The following SGMS1 variants were observed in gnomAD, a reference collection of about 807,000 sequenced individuals.
SGMS1 encodes the protein sphingomyelin synthase 1.
A neutral mutation model predicts 46.2 loss-of-function variants in SGMS1; 13 were observed. The ratio of observed to expected loss-of-function variants is 0.28; its 90% confidence interval spans 0.18 to 0.45. SGMS1 has a LOEUF of 0.45. Among genes scored for constraint, SGMS1 ranks in the 20% least tolerant of loss-of-function variants. The pLI, the probability that SGMS1 is intolerant of heterozygous loss-of-function variation, is 1.00. For missense variants in SGMS1, 324 were observed against 519.9 expected, an observed-to-expected ratio of 0.62 and a Z score of 3.66; for synonymous variants, 203 against 187.8, an observed-to-expected ratio of 1.08 and a Z score of -0.66.
intron 6 of SGMS1, among the ~76,000 whole-genome samples, chr10:50,346,663 C>T (rs769328302): frequency 1.3e-5 from 2 of 152,012 alleles, no homozygotes; most frequent in Non-Finnish European, 2.9e-5. Context: ...ACTCCTTGCC[C>T]CTTTTCCTAT....
intron 6 of SGMS1, among the ~76,000 whole-genome samples, chr10:50,391,243 T>C (rs1320997730): frequency 6.6e-6 from 1 of 152,214 alleles, no homozygotes; most frequent in African/African-American, 2.4e-5. Flanking sequence ...AATCAAGTCA[T>C]TAACTAATCC....
chr10:50,555,191 C>T (rs1301177171), intron 2 of SGMS1, among the ~76,000 whole-genome samples: 1 of 152,166 alleles, frequency 6.6e-6, no homozygotes, highest in African/African-American at 2.4e-5. Flanking sequence ...TATCTTGGAA[C>T]AAAGTAATGA....
intron 7 of SGMS1, among the ~76,000 whole-genome samples, chr10:50,339,305 G>A (rs115512556): frequency 0.012 from 1,805 of 152,242 alleles, 26 homozygotes; most frequent in African/African-American, 0.034. Context: ...CGTTCCTCAG[G>A]TAAGTGCCAG....
At chr10:50,400,599 T>A (rs879531651) in intron 6 of SGMS1, among the ~76,000 whole-genome samples, 1 of 151,658 alleles carries the variant, frequency 6.6e-6, no homozygotes, top group Admixed American at 6.6e-5. Flanking sequence ...TACAGCTATA[T>A]ACCACCTCGC....
Position 50,343,836 on chromosome 10 carries a change from G to A in SGMS1, c.279C>T (p.Thr93=), listed in dbSNP as rs1171309051. 2.5e-6 allele frequency: 4 copies of A among 1,614,026 alleles called. No homozygotes were observed. The African/African-American group carries it at 4.0e-5, about 16-fold the overall frequency. The change falls in exon 7 of 11, where the codon ACC becomes ACT. Residue 93 remains threonine, a synonymous_variant. Transcript: ENST00000361781. ...TCTTGATGCTGAAGCTGCCGTCGGGGGTGGGGATGTCTACGCCAATGTTGA... is the reference window on the plus strand; with the variant it reads ...TCTTGATGCTGAAGCTGCCGTCGGGAGTGGGGATGTCTACGCCAATGTTGA... ...GHLNIGVDIP[T]PDGSFSIKIK... is the part of the protein sequence containing the mutation.
chr10:50,410,126 T>C (rs1849076035), intron 6 of SGMS1, among the ~76,000 whole-genome samples: 1 of 152,226 alleles, frequency 6.6e-6, no homozygotes, highest in East Asian at 1.9e-4. Context: ...CTCGTTTACA[T>C]GAGTCACTCA....
At chr10:50,391,957 C>T (rs1309989951) in intron 6 of SGMS1, among the ~76,000 whole-genome samples, 1 of 151,796 alleles carries the variant, frequency 6.6e-6, no homozygotes, top group African/African-American at 2.4e-5. Context: ...TGCATGCTCT[C>T]ACTTATAAGT....
intron 4 of SGMS1, among the ~76,000 whole-genome samples, chr10:50,461,576 A>T (rs999561347): frequency 1.3e-5 from 2 of 152,102 alleles, no homozygotes; most frequent in African/African-American, 4.8e-5. Flanking sequence ...CCTTTTCAGG[A>T]TCATATAAGC....
At chr10:50,593,006 A>G (rs931047773) in intron 1 of SGMS1, among the ~76,000 whole-genome samples, 1 of 152,166 alleles carries the variant, frequency 6.6e-6, no homozygotes, top group African/African-American at 2.4e-5. Context: ...GAACCACTAC[A>G]ATATTGCTGA....
intron 5 of SGMS1, chr10:50,460,233 C>A (rs1245385117): frequency 2.6e-5 from 4 of 152,110 alleles, no homozygotes; most frequent in Non-Finnish European, 4.4e-5. Context: ...TAAGAGGGAA[C>A]TGGTCAATCT....
intron 6 of SGMS1, among the ~76,000 whole-genome samples, chr10:50,370,113 G>GT (rs1848411445): frequency 6.6e-6 from 1 of 152,172 alleles, no homozygotes. Context: ...GTTGCTCTGG[G>GT]TGAGTCAGTG....
chr10:50,349,210 C>G (rs1312380483), intron 6 of SGMS1, among the ~76,000 whole-genome samples: 2 of 152,176 alleles, frequency 1.3e-5, no homozygotes, highest in Non-Finnish European at 2.9e-5. Flanking sequence ...CTGTGCTTCC[C>G]CATAACTTGG....
chr10:50,410,471 T>C (rs1849080667), intron 6 of SGMS1, among the ~76,000 whole-genome samples: 1 of 152,216 alleles, frequency 6.6e-6, no homozygotes, highest in Non-Finnish European at 1.5e-5. Flanking sequence ...GAATACCTTA[T>C]TGTGAGAATG....
chr10:50,523,189 G>A (rs1837871353), intron 2 of SGMS1, among the ~76,000 whole-genome samples: 1 of 152,110 alleles, frequency 6.6e-6, no homozygotes, highest in Non-Finnish European at 1.5e-5. Flanking sequence ...TACCTTAGGA[G>A]GCAAGACCAG....
At chr10:50,340,739 G>T (rs1847804160) in intron 7 of SGMS1, 1 of 152,372 alleles carries the variant, frequency 6.6e-6, no homozygotes, top group Non-Finnish European at 1.5e-5. Flanking sequence ...ACAAATTCAA[G>T]ATTAAGATTT....
At chr10:50,345,201 G>A (rs1013848818) in intron 6 of SGMS1, among the ~76,000 whole-genome samples, 2 of 151,548 alleles carry the variant, frequency 1.3e-5, no homozygotes, top group Admixed American at 6.6e-5. Context: ...TACAAATGCC[G>A]CTGCTTGGGT....
chr10:50,567,777 T>C (rs1169915211), intron 2 of SGMS1, among the ~76,000 whole-genome samples: 1 of 152,232 alleles, frequency 6.6e-6, no homozygotes, highest in Non-Finnish European at 1.5e-5. Flanking sequence ...CACACACTTA[T>C]TTCAAATGCT....
intron 1 of SGMS1, among the ~76,000 whole-genome samples, chr10:50,601,362 A>G (rs1165135608): frequency 3.9e-5 from 6 of 152,234 alleles, no homozygotes; most frequent in Non-Finnish European, 8.8e-5. Context: ...AAATGACCTC[A>G]TGTAAAGGAA....
At chr10:50,595,579 A>C (rs1028916356) in intron 1 of SGMS1, among the ~76,000 whole-genome samples, 1 of 152,230 alleles carries the variant, frequency 6.6e-6, no homozygotes, top group Non-Finnish European at 1.5e-5. Flanking sequence ...TAACTTGGCC[A>C]AAATCACATA....
Sources: allele counts gnomAD v4.1 joint callset (sites outside exome capture counted in the v4.1 genomes callset), GRCh38; gene constraint gnomAD v4.1.1; transcripts MANE v1.5; gene names NCBI Gene and HGNC (gene_info 2026-07-23, HGNC 2026-07-21).